Variants in TMEM266 observed in about 807,000 individuals in gnomAD.
TMEM266 encodes the protein transmembrane protein 266.
TMEM266 carries 33 observed loss-of-function variants against 50.5 expected under a neutral mutation model. The ratio of observed to expected loss-of-function variants is 0.65; its 90% CI spans 0.50 to 0.87. The LOEUF (loss-of-function observed/expected upper bound fraction) is 0.87, where lower values mean the gene tolerates loss of function less well. Among genes scored for constraint, TMEM266 ranks in the 40% least tolerant of loss-of-function variants. The pLI is 0.00. For missense variants in TMEM266, 655 were observed against 695.1 expected (o/e 0.94, Z 0.65); for synonymous variants, 310 against 292.3 (o/e 1.06, Z -0.62).
chr15:76,192,222 G>A (rs1486800281), intron 9 of TMEM266, 65 bp downstream of exon 9: 4 of 1,363,808 alleles, frequency 2.9e-6, no homozygotes, highest in Non-Finnish European at 3.8e-6. Flanking sequence ...CCTCCCTCTC[G>A]CGCCCCGGGA....
rs1206140171 is a variant in TMEM266 at position 76,156,705 on chromosome 15, T to C, written c.329T>C (p.Leu110Ser). The C allele has an allele frequency of 1.9e-6, 3 of 1,614,092 alleles. No individual in the cohort carries two copies. ...AGTTTCCTGGTAGCCTGTGTAATAT[T>C]GGTGGTGATTCTCCTGACTCTGGAA... Residue 110 changes from leucine (L) to serine (S), a missense_variant, in exon 4 of 11, where the codon TTG (leucine) becomes TCG (serine). By Grantham distance (145) the Leu-to-Ser change is moderately radical. Coordinates refer to ENST00000388942, the MANE Select transcript of TMEM266 (RefSeq NM_152335.3).
intron 8 of TMEM266, among the ~76,000 whole-genome samples, chr15:76,182,004 T>C (rs8027603): frequency 0.011 from 1,749 of 152,274 alleles, 37 homozygotes; most frequent in African/African-American, 0.04. Context: ...CCTGAGATCA[T>C]TGGCAAAATA....
At chr15:76,202,423 C>T (rs565104333) in intron 10 of TMEM266, among the ~76,000 whole-genome samples, 159 bp downstream of exon 10, 135 of 152,216 alleles carry the variant, frequency 8.9e-4, no homozygotes, top group Non-Finnish European at 1.0e-3. Flanking sequence ...CTTCAGCTTC[C>T]AGCAAACTCC....
rs2037401097 is a variant in TMEM266 at position 76,125,151 on chromosome 15, G to T, written c.-96-9017G>T. Among the ~76,000 whole-genome samples, 4 of 152,108 alleles carry T rather than the reference G, an allele frequency of 2.6e-5. No homozygotes were observed. The South Asian group carries it at 8.3e-4, about 32-fold the overall frequency. On this transcript the variant is annotated intron_variant, in intron 1 of 10. Coordinates refer to ENST00000388942, the MANE Select transcript of TMEM266 (RefSeq NM_152335.3). ...GATATTTACATTAAAAAAGTAATCT[G>T]AACGCTTATCTTGCACCATACATAA...
chr15:76,184,406 T>G (rs568045607), intron 8 of TMEM266, among the ~76,000 whole-genome samples: 118 of 152,162 alleles, frequency 7.8e-4, no homozygotes, highest in Non-Finnish European at 1.5e-3. Context: ...TCACAGTGGA[T>G]GGAAAGGGGC....
chr15:76,129,417 G>A (rs564035581), intron 1 of TMEM266, among the ~76,000 whole-genome samples: 7 of 152,196 alleles, frequency 4.6e-5, no homozygotes, highest in African/African-American at 1.2e-4. Context: ...TGAGGCAGGC[G>A]GATCACCTGA....
chr15:76,186,649 C>G (rs1028227891), intron 8 of TMEM266, among the ~76,000 whole-genome samples: 1 of 152,222 alleles, frequency 6.6e-6, no homozygotes, highest in Non-Finnish European at 1.5e-5. Context: ...TCTCCACCTT[C>G]GTCCCTACCT....
chr15:76,173,966 G>A (rs2038229150), intron 7 of TMEM266, among the ~76,000 whole-genome samples: 2 of 151,572 alleles, frequency 1.3e-5, no homozygotes, highest in Admixed American at 1.3e-4. Context: ...AGAGGTCTGT[G>A]GGAAGGTGGT....
intron 8 of TMEM266, among the ~76,000 whole-genome samples, chr15:76,177,392 C>T (rs1475263421): frequency 2.0e-5 from 3 of 152,186 alleles, no homozygotes; most frequent in African/African-American, 7.2e-5. Flanking sequence ...TCGACCAACC[C>T]CAGCCTCTCA....
chr15:76,200,235 C>G (rs1042908029), intron 9 of TMEM266, among the ~76,000 whole-genome samples: 5 of 152,156 alleles, frequency 3.3e-5, no homozygotes, highest in Non-Finnish European at 5.9e-5. Flanking sequence ...ACAGCCCTCT[C>G]AGGCCGGTAT....
intron 9 of TMEM266, 26 bp downstream of exon 9, chr15:76,192,183 CAG>C: frequency 1.4e-6 from 2 of 1,390,406 alleles, no homozygotes; most frequent in Non-Finnish European, 1.9e-6. Context: ...CACCCGGCCC[CAG>C]AGTGTCACGG....
chr15:76,148,716 T>TCCCCCCCCCCCCCCCCCCCCC (rs199917440), intron 3 of TMEM266, among the ~76,000 whole-genome samples: 1 of 138,178 alleles, frequency 7.2e-6, no homozygotes, highest in African/African-American at 2.7e-5. Flanking sequence ...TGGCAGTTTG[T>TCCCCCCCCCCCCCCCCCCCCC]CCACCCCTTC....
intron 3 of TMEM266, among the ~76,000 whole-genome samples, chr15:76,155,637 T>C (rs766732892): frequency 2.0e-5 from 3 of 152,168 alleles, no homozygotes; most frequent in African/African-American, 4.8e-5. Flanking sequence ...TAAGAGCATA[T>C]TGAAGGCCCT....
At chr15:76,118,899 A>G (rs2037293013) in intron 1 of TMEM266, among the ~76,000 whole-genome samples, 1 of 152,184 alleles carries the variant, frequency 6.6e-6, no homozygotes, top group South Asian at 2.1e-4. Flanking sequence ...GAGAGGAGTT[A>G]GTGAGTGGCA....
At chr15:76,176,389 G>C (rs556263151) in intron 8 of TMEM266, 9 of 152,910 alleles carry the variant, frequency 5.9e-5, no homozygotes, top group East Asian at 1.9e-4. Flanking sequence ...TACTCAGGAG[G>C]GGGTGGCTGC....
rs779834014 is a variant in TMEM266 at position 76,134,262 on chromosome 15, C to G, written c.-2C>G. On this transcript the variant is annotated 5_prime_UTR_variant, in exon 2 of 11. Coordinates refer to ENST00000388942, the MANE Select transcript of TMEM266 (RefSeq NM_152335.3). The stretch of plus-strand genomic sequence containing the variant: ...GAGCCCCACTAAACACCAAGAAAAC[C>G]CATGGCTGTGGCTCCATCTTTCAAC... 1.5e-5 allele frequency: 24 copies of G among 1,613,914 alleles called. No homozygotes were observed. Among genetic ancestry groups the G allele is most frequent in the Non-Finnish European group, 2.0e-5 (24 of 1,179,944 alleles).
chr15:76,069,629 G>A lies in TMEM266; in HGVS notation c.-97+9613G>A, dbSNP rs552557939. On this transcript the variant is annotated intron_variant, in intron 1 of 10. Transcript: ENST00000388942. ...AGGTCAGGAGTTCGAGATCAGCCTG[G>A]TCAACATGGTGAAACCCCATCTCTA... is the stretch of plus-strand genomic sequence containing the variant. Among the ~76,000 whole-genome samples, 33 of 152,170 alleles carry A rather than the reference G, an allele frequency of 2.2e-4. No individual in the cohort carries two copies. In the South Asian group the frequency reaches 3.3e-3, roughly 15 times the overall value.
chr15:76,070,668 A>G (rs2036525681), intron 1 of TMEM266, among the ~76,000 whole-genome samples: 1 of 152,202 alleles, frequency 6.6e-6, no homozygotes. Context: ...CACCACAGCT[A>G]GACTTTTCCA....
chr15:76,167,867 A>G (rs1183353202), intron 5 of TMEM266, among the ~76,000 whole-genome samples: 7 of 135,396 alleles, frequency 5.2e-5, no homozygotes, highest in Non-Finnish European at 1.1e-4. Flanking sequence ...TCCAAATGTT[A>G]CCTTCATTCC....
Sources: allele counts gnomAD v4.1 joint callset (sites outside exome capture counted in the v4.1 genomes callset), GRCh38; gene constraint gnomAD v4.1.1; transcripts MANE v1.5; gene names NCBI Gene and HGNC (gene_info 2026-07-23, HGNC 2026-07-21).